Variants in UBE4B observed in about 807,000 individuals in gnomAD.
UBE4B encodes the protein ubiquitination factor E4B, also known as ubiquitin conjugation factor E4 B.
Under a neutral mutation model 148.1 loss-of-function variants are expected in UBE4B, and 27 were observed. The observed-to-expected ratio is 0.18, with a 90% CI of 0.13 to 0.25. The LOEUF is 0.25. UBE4B is among the 10% of genes least tolerant of loss of function. The probability of loss-of-function intolerance (pLI) is 1.00; values close to 1 mark genes in which losing one functional copy is unlikely to be tolerated. For missense variants in UBE4B, 1,170 were observed against 1,662.4 expected (o/e 0.70, Z 5.15); for synonymous variants, 596 against 619.3 (o/e 0.96, Z 0.56).
At chr1:10,081,232 T>TTTG (rs1644674855) in intron 2 of UBE4B, among the ~76,000 whole-genome samples, 1 of 151,264 alleles carries the variant, frequency 6.6e-6, no homozygotes, top group Non-Finnish European at 1.5e-5. Flanking sequence ...CTGGCTAATT[T>TTTG]TATTTTTGGT....
Position 10,171,440 on chromosome 1 carries a change from C to CT in UBE4B, c.3525+114dup, listed in dbSNP as rs1237955796. 2.2e-5 allele frequency: 30 copies of CT among 1,350,990 alleles called. No individual in the cohort carries two copies. In the African/African-American group the frequency reaches 3.6e-4, roughly 16 times the overall value. 83.7% of individuals were successfully genotyped at this position (1,350,990 alleles called of 1,614,324 possible). On this transcript the variant is annotated intron_variant, in intron 25 of 27. Transcript: ENST00000343090. ...AAATGAAGATGAGTGGGTTGTTTTC[C>CT]TTTGAGTGTGAAGAGCAGATTTGGG...
At chr1:10,072,751 CTT>C (rs966584074) in intron 2 of UBE4B, 1 of 368,698 alleles carries the variant, frequency 2.7e-6, no homozygotes, top group African/African-American at 2.1e-5. Flanking sequence ...CCAGGACTGT[CTT>C]TGTTGGGAAA....
intron 1 of UBE4B, among the ~76,000 whole-genome samples, chr1:10,034,887 G>C (rs1643443697): frequency 6.6e-6 from 1 of 152,126 alleles, no homozygotes; most frequent in Non-Finnish European, 1.5e-5. Context: ...GCGTTACTTT[G>C]TTTTTTTCGA....
At position 10,137,212 on chromosome 1, in the gene UBE4B, G is replaced by A; in HGVS notation, c.2363+7G>A. On this transcript the variant is annotated splice_region_variant and intron_variant, in intron 17 of 27. Transcript: ENST00000343090. ...CTATCCGGGAGCTCAATAGGTATGT[G>A]CCATGATACCGTGTCCTGGGATTGC... 6.2e-7 allele frequency: 1 copy of A among 1,613,844 alleles called. No individual in the cohort carries two copies. The highest frequency in any genetic ancestry group is 1.1e-5 in the South Asian group (1 of 91,036).
At chr1:10,063,794 G>T (rs1329203880) in intron 1 of UBE4B, among the ~76,000 whole-genome samples, 1 of 151,840 alleles carries the variant, frequency 6.6e-6, no homozygotes, top group African/African-American at 2.4e-5. Flanking sequence ...TGTAATCCCA[G>T]CCACTCAGGA....
intron 23 of UBE4B, among the ~76,000 whole-genome samples, chr1:10,163,976 C>T (rs969391283): frequency 2.0e-5 from 3 of 151,690 alleles, no homozygotes; most frequent in African/African-American, 7.3e-5. Context: ...ATCCACCCAC[C>T]TCAGCCTCCC....
intron 17 of UBE4B, among the ~76,000 whole-genome samples, chr1:10,141,562 A>G (rs1376736306): frequency 6.6e-6 from 1 of 152,242 alleles, no homozygotes; most frequent in Non-Finnish European, 1.5e-5. Flanking sequence ...TTGTTACAGC[A>G]GCAATAGAAA....
intron 8 of UBE4B, among the ~76,000 whole-genome samples, chr1:10,119,176 C>T (rs186161961): frequency 3.9e-5 from 6 of 151,920 alleles, no homozygotes; most frequent in East Asian, 1.9e-4. Flanking sequence ...CCACCGTGCC[C>T]GGCCCAGGCT....
At chr1:10,153,324 G>A (rs1646009125) in intron 21 of UBE4B, among the ~76,000 whole-genome samples, 1 of 151,516 alleles carries the variant, frequency 6.6e-6, no homozygotes, top group South Asian at 2.1e-4. Context: ...TGGGCAACAT[G>A]GCGAGACCCC....
intron 2 of UBE4B, among the ~76,000 whole-genome samples, chr1:10,084,278 A>T (rs1447766322): frequency 6.6e-6 from 1 of 152,162 alleles, no homozygotes; most frequent in Admixed American, 6.5e-5. Flanking sequence ...TTAGTAGGAG[A>T]GATAATACAT....
chr1:10,120,668 C>A (rs1645395360), intron 9 of UBE4B, among the ~76,000 whole-genome samples: 1 of 151,746 alleles, frequency 6.6e-6, no homozygotes. Flanking sequence ...GAAACCCTAT[C>A]TCTACTAAAA....
chr1:10,093,958 G>A (rs1044577550), intron 2 of UBE4B, among the ~76,000 whole-genome samples: 1 of 152,076 alleles, frequency 6.6e-6, no homozygotes, highest in African/African-American at 2.4e-5. Flanking sequence ...GCCCCTCAAA[G>A]TGCTGAGATT....
chr1:10,146,930 G>A (rs768836336), intron 18 of UBE4B, 33 bp from the exon 19 acceptor site: 2 of 1,610,930 alleles, frequency 1.2e-6, no homozygotes, highest in Admixed American at 1.7e-5. Flanking sequence ...GCTACTGACT[G>A]ATCTTTGGGT....
intron 23 of UBE4B, among the ~76,000 whole-genome samples, chr1:10,166,940 A>G (rs1427518181): frequency 1.5e-5 from 2 of 130,696 alleles, no homozygotes; most frequent in African/African-American, 3.2e-5. Flanking sequence ...AAATAAATAA[A>G]TCACACACAC....
At chr1:10,164,109 G>C (rs1416529454) in intron 23 of UBE4B, among the ~76,000 whole-genome samples, 1 of 152,022 alleles carries the variant, frequency 6.6e-6, no homozygotes, top group African/African-American at 2.4e-5. Context: ...GGGAGGCCGA[G>C]GCCGGCAGAT....
chr1:10,132,510 T>C, intron 15 of UBE4B, 28 bp downstream of exon 15: 1 of 1,595,042 alleles, frequency 6.3e-7, no homozygotes. Flanking sequence ...TGCTTTTCGC[T>C]GTTTGTCAAA....
At chr1:10,175,456 C>T (rs1302437283) in intron 25 of UBE4B, among the ~76,000 whole-genome samples, 1 of 151,278 alleles carries the variant, frequency 6.6e-6, no homozygotes, top group Non-Finnish European at 1.5e-5. Context: ...TCGAGACCGT[C>T]CTGGCTAACA....
intron 2 of UBE4B, among the ~76,000 whole-genome samples, chr1:10,073,899 G>C (rs1644532243): frequency 6.6e-6 from 1 of 150,896 alleles, no homozygotes; most frequent in Admixed American, 6.6e-5. Context: ...TAGTGGCCTG[G>C]CTTCCCATTT....
chr1:10,095,342 C>T, intron 2 of UBE4B, 119 bp from the exon 3 acceptor site: 66 of 1,172,962 alleles, frequency 5.6e-5, no homozygotes, highest in South Asian at 3.0e-4. Context: ...ATAGAAATTC[C>T]TCGGTTGCTG....
Sources: gnomAD v4.1 joint callset for allele counts (sites outside exome capture counted in the v4.1 genomes callset) on GRCh38, gnomAD v4.1.1 for gene constraint, MANE v1.5 for transcripts, NCBI Gene and HGNC (gene_info 2026-07-23, HGNC 2026-07-21) for gene names.